Variants in ZNF721 observed in about 807,000 individuals in gnomAD.
ZNF721 encodes the protein zinc finger protein 721.
Under a neutral mutation model 2.4 loss-of-function variants are expected in ZNF721, and 2 were observed. That is an observed-to-expected ratio of 0.82 (90% CI 0.34 to 2.58). The LOEUF is 2.58. Ranked by LOEUF, ZNF721 falls within the 30% of genes most tolerant of loss-of-function variation. The probability of loss-of-function intolerance (pLI) is 0.11; values close to 1 mark genes in which losing one functional copy is unlikely to be tolerated. For missense variants in ZNF721, 1,187 were observed against 1,085.5 expected, an observed-to-expected ratio of 1.09 and a Z score of -1.31; for synonymous variants, 398 against 381.8, an observed-to-expected ratio of 1.04 and a Z score of -0.50.
At chr4:486,111 T>C (rs1204070600) in intron 1 of ZNF721, among the ~76,000 whole-genome samples, 27 of 152,026 alleles carry the variant, frequency 1.8e-4, no homozygotes, top group Non-Finnish European at 1.5e-5. Flanking sequence ...TAAGAAGCAT[T>C]GATTCAGGGT....
At chr4:494,608 GA>G in intron 1 of ZNF721, among the ~76,000 whole-genome samples, 1 of 152,240 alleles carries the variant, frequency 6.6e-6, no homozygotes, top group Non-Finnish European at 1.5e-5. Context: ...ATTTGCATAA[GA>G]AAGGAAACAA....
Position 472,672 on chromosome 4 carries a change from T to G in ZNF721, c.-64A>C. The stretch of plus-strand genomic sequence containing the variant: ...ATTTCCACTCTTCTGGAGAGAATTC[T>G]ATGGCCACATCCCTGAATGTTAAGG... On this transcript the variant is annotated 5_prime_UTR_variant, in exon 2 of 3. It removes the in-frame stop codon of an upstream open reading frame in the 5' UTR. Coordinates refer to ENST00000511833, the MANE Select transcript of ZNF721 (RefSeq NM_133474.4). 1.2e-6 allele frequency: 2 copies of G among 1,613,708 alleles called. No homozygotes were observed. Among genetic ancestry groups the G allele is most frequent in the Non-Finnish European group, 1.7e-6 (2 of 1,179,942 alleles).
At chr4:447,855 T>A (rs1372357416) in intron 2 of ZNF721, among the ~76,000 whole-genome samples, 7 of 152,232 alleles carry the variant, frequency 4.6e-5, no homozygotes, top group African/African-American at 1.7e-4. Context: ...GACAAATGTG[T>A]GTATACATAT....
At position 443,975 on chromosome 4, in the gene ZNF721, AG is replaced by A; in HGVS notation, c.491del (p.Pro164LeufsTer45). On this transcript the variant is annotated frameshift_variant, in exon 3 of 3. Coordinates refer to ENST00000511833, the MANE Select transcript of ZNF721 (RefSeq NM_133474.4). LOFTEE classifies it low-confidence loss of function (END_TRUNC). ...QHKKIHTGEK[P>X]YKCEECGKAF... ...CTTTGCCACATTCTTCACATTTGTA[AG>A]GTTTCTCTCCAGTATGAATTTTCTT... is the stretch of plus-strand genomic sequence containing the variant. 1.1e-5 allele frequency: 18 copies of A among 1,613,262 alleles called. No homozygotes were observed. Among genetic ancestry groups the A allele is most frequent in the Non-Finnish European group, 1.5e-5 (18 of 1,179,780 alleles).
chr4:477,086 C>T (rs971489896), intron 1 of ZNF721, among the ~76,000 whole-genome samples: 1 of 151,994 alleles, frequency 6.6e-6, no homozygotes, highest in African/African-American at 2.4e-5. Flanking sequence ...TCTTCTCTGA[C>T]CTCAGACTAC....
At chr4:482,334 T>G (rs1715791501) in intron 1 of ZNF721, among the ~76,000 whole-genome samples, 1 of 152,056 alleles carries the variant, frequency 6.6e-6, no homozygotes, top group Admixed American at 6.6e-5. Flanking sequence ...TGGCTAATTT[T>G]TTGTATTTTT....
At chr4:457,084 C>A (rs782799368) in intron 2 of ZNF721, among the ~76,000 whole-genome samples, 5 of 152,028 alleles carry the variant, frequency 3.3e-5, no homozygotes, top group Non-Finnish European at 5.9e-5. Flanking sequence ...TCCTTACATG[C>A]AAAGAAAATG....
chr4:489,645 G>A (rs1332901518), intron 1 of ZNF721, among the ~76,000 whole-genome samples: 1 of 152,168 alleles, frequency 6.6e-6, no homozygotes, highest in African/African-American at 2.4e-5. Context: ...GACGTGTTCA[G>A]GCCCTCACTT....
intron 1 of ZNF721, among the ~76,000 whole-genome samples, chr4:478,767 C>T (rs1163287087): frequency 2.1e-5 from 3 of 141,318 alleles, no homozygotes; most frequent in Admixed American, 7.1e-5. Context: ...AAGGAAAGGT[C>T]TGATTTTTTT....
chr4:498,215 G>GACAAAAAAAAAAAAAA (rs1716365702), intron 1 of ZNF721, among the ~76,000 whole-genome samples: 1 of 83,940 alleles, frequency 1.2e-5, no homozygotes, highest in African/African-American at 4.4e-5. Context: ...AAAAGAAAAA[G>GACAAAAAAAAAAAAAA]AAAAAAAAAA....
At chr4:474,281 G>A (rs1023635765) in intron 1 of ZNF721, 13 of 343,292 alleles carry the variant, frequency 3.8e-5, no homozygotes, top group African/African-American at 2.4e-4. Context: ...CAGAAATTGT[G>A]ACCATACAAT....
At chr4:489,354 C>CT (rs1454430643) in intron 1 of ZNF721, among the ~76,000 whole-genome samples, 1 of 152,210 alleles carries the variant, frequency 6.6e-6, no homozygotes, top group Non-Finnish European at 1.5e-5. Context: ...CATGTCCCCT[C>CT]TTACTGCTGA....
At chr4:469,695 CAA>C (rs1715372056) in intron 2 of ZNF721, among the ~76,000 whole-genome samples, 1 of 152,076 alleles carries the variant, frequency 6.6e-6, no homozygotes, top group Admixed American at 6.6e-5. Context: ...TTGTAGTAAG[CAA>C]AAGAGTATGG....
chr4:493,470 G>A (rs990319684), intron 1 of ZNF721, among the ~76,000 whole-genome samples: 1 of 152,196 alleles, frequency 6.6e-6, no homozygotes, highest in African/African-American at 2.4e-5. Flanking sequence ...CCTACGGTCA[G>A]GAGTTCAAGA....
chr4:478,686 G>T (rs1041055856), intron 1 of ZNF721, among the ~76,000 whole-genome samples: 10 of 152,094 alleles, frequency 6.6e-5, no homozygotes, highest in Middle Eastern at 3.2e-3. Flanking sequence ...ATGAACATGG[G>T]TGTGCAAATG....
At chr4:470,998 CAAA>C (rs782706278) in intron 2 of ZNF721, among the ~76,000 whole-genome samples, 7 of 79,322 alleles carry the variant, frequency 8.8e-5, no homozygotes, top group Non-Finnish European at 8.0e-5. Flanking sequence ...GACTCTGTCT[CAAA>C]AAAAAAAAAA....
At chr4:495,310 A>G (rs1186835317) in intron 1 of ZNF721, among the ~76,000 whole-genome samples, 1 of 141,698 alleles carries the variant, frequency 7.1e-6, no homozygotes, top group Non-Finnish European at 1.5e-5. Context: ...AGTCAACTGA[A>G]CAAAAAAAAA....
intron 2 of ZNF721, among the ~76,000 whole-genome samples, chr4:459,010 T>G (rs1576959881): frequency 6.6e-6 from 1 of 152,112 alleles, no homozygotes; most frequent in African/African-American, 2.4e-5. Context: ...TCAACATTCT[T>G]AAAGAAAATA....
chr4:450,383 G>A (rs1008891837), intron 2 of ZNF721, among the ~76,000 whole-genome samples: 1 of 152,122 alleles, frequency 6.6e-6, no homozygotes, highest in Non-Finnish European at 1.5e-5. Context: ...ACAAATGAAC[G>A]TGGAGGCCAT....
Sources: gnomAD v4.1 joint callset for allele counts (sites outside exome capture counted in the v4.1 genomes callset) on GRCh38, gnomAD v4.1.1 for gene constraint, MANE v1.5 for transcripts, NCBI Gene and HGNC (gene_info 2026-07-23, HGNC 2026-07-21) for gene names.